ECPAS: variants seen among roughly 807,000 people sequenced by gnomAD.
The protein encoded by ECPAS is Ecm29 proteasome adaptor and scaffold, also known as proteasome adapter and scaffold protein ECM29.
ECPAS carries 70 observed loss-of-function variants against 255.1 expected under a neutral mutation model. The ratio of observed to expected loss-of-function variants is 0.27; its 90% CI spans 0.23 to 0.33. The LOEUF (loss-of-function observed/expected upper bound fraction) is 0.33, where lower values mean the gene tolerates loss of function less well. Among genes scored for constraint, ECPAS ranks in the 10% least tolerant of loss-of-function variants. ECPAS has a pLI of 1.00. For synonymous variants in ECPAS, 784 were observed against 775.0 expected (o/e 1.01, Z -0.19); for missense variants, 1,817 against 2,206.4 (o/e 0.82, Z 3.54).
chr9:111,438,365 C>T (rs1393737638), intron 6 of ECPAS, among the ~76,000 whole-genome samples: 1 of 152,178 alleles, frequency 6.6e-6, no homozygotes, highest in Non-Finnish European at 1.5e-5. Flanking sequence ...GTGGCTCAGG[C>T]CTATAATCCC....
intron 24 of ECPAS, among the ~76,000 whole-genome samples, chr9:111,407,428 A>AAAAAAAAGAAAAAAAAG (rs2098186434): frequency 6.1e-5 from 6 of 98,822 alleles, no homozygotes; most frequent in Admixed American, 6.0e-4. Flanking sequence ...AAAAAAAAAA[A>AAAAAAAAGAAAAAAAAG]AAAAAAAAAA....
At chr9:111,398,139 T>C (rs967156948) in intron 24 of ECPAS, among the ~76,000 whole-genome samples, 1 of 152,228 alleles carries the variant, frequency 6.6e-6, no homozygotes, top group African/African-American at 2.4e-5. Flanking sequence ...CAGCTGAGAC[T>C]TTCCTACGCC....
intron 7 of ECPAS, among the ~76,000 whole-genome samples, chr9:111,434,778 A>T (rs1186358120): frequency 6.6e-6 from 1 of 151,136 alleles, no homozygotes; most frequent in African/African-American, 2.4e-5. Flanking sequence ...TTGTTTTCTT[A>T]GTAGAGATGG....
chr9:111,395,406 G>T (rs140034356), intron 25 of ECPAS, among the ~76,000 whole-genome samples: 47 of 152,290 alleles, frequency 3.1e-4, no homozygotes, highest in African/African-American at 1.1e-3. Flanking sequence ...GCACTCAGAT[G>T]AGAATGACAT....
intron 2 of ECPAS, among the ~76,000 whole-genome samples, chr9:111,452,819 G>C (rs1038398804): frequency 2.0e-5 from 3 of 152,128 alleles, no homozygotes; most frequent in African/African-American, 7.2e-5. Flanking sequence ...CTAACACCCA[G>C]AATTGATCTT....
intron 25 of ECPAS, among the ~76,000 whole-genome samples, chr9:111,396,573 C>G (rs1385470587): frequency 6.6e-6 from 1 of 152,132 alleles, no homozygotes; most frequent in Non-Finnish European, 1.5e-5. Flanking sequence ...TTTTTTGAGA[C>G]AGAGTCTTAC....
At position 111,373,988 on chromosome 9, in the gene ECPAS, G is replaced by C; in HGVS notation, c.4161C>G (p.Asp1387Glu). The change falls in exon 39 of 50, where the codon GAC becomes GAG. Residue 1387 changes from aspartate to glutamate, a missense_variant. By Grantham distance (45) the Asp-to-Glu change is conservative (BLOSUM62 2). This residue lies in a region of ECPAS where 960 missense variants were observed against 1,179.0 expected (regional missense o/e 0.81). Coordinates refer to ENST00000684092, the MANE Select transcript of ECPAS (RefSeq NM_001364929.1). Reference sequence around the variant, plus strand: ...CAAACTCACCTGAGTAAGGTGTTAGGTCCTGAGGACACTGAGTAGTTAATG... The same window carrying C: ...CAAACTCACCTGAGTAAGGTGTTAGCTCCTGAGGACACTGAGTAGTTAATG... Reference protein sequence around the residue: ...IVSLTTQCPQDLTPYSGKLMS... With the variant: ...IVSLTTQCPQELTPYSGKLMS... The C allele has an allele frequency of 6.2e-7, 1 of 1,613,072 alleles. No individual in the cohort carries two copies. Among genetic ancestry groups the C allele is most frequent in the East Asian group, 2.2e-5 (1 of 44,856 alleles).
At chr9:111,410,844 T>C in intron 22 of ECPAS, 136 bp downstream of exon 22, 1 of 939,394 alleles carries the variant, frequency 1.1e-6, no homozygotes, top group Non-Finnish European at 1.6e-6. Context: ...AATACATTAT[T>C]TATCAAGTAA....
chr9:111,452,929 G>A (rs533703663), intron 2 of ECPAS, among the ~76,000 whole-genome samples: 5 of 152,144 alleles, frequency 3.3e-5, no homozygotes, highest in Non-Finnish European at 7.4e-5. Flanking sequence ...AGCCTGAAGC[G>A]TCTTGTAGTG....
intron 46 of ECPAS, 86 bp downstream of exon 46, chr9:111,368,949 A>G (rs2098124006): frequency 7.9e-7 from 1 of 1,269,898 alleles, no homozygotes; most frequent in African/African-American, 1.5e-5. Context: ...AAGAAACAAT[A>G]ACTATAATTT....
At chr9:111,465,763 G>T (rs1030214794) in intron 2 of ECPAS, among the ~76,000 whole-genome samples, 28 of 152,048 alleles carry the variant, frequency 1.8e-4, no homozygotes, top group African/African-American at 6.8e-4. Context: ...AGCATATGCA[G>T]TGGCTCACTC....
chr9:111,380,465 T>A (rs908793008), intron 35 of ECPAS, among the ~76,000 whole-genome samples: 3 of 152,216 alleles, frequency 2.0e-5, no homozygotes, highest in Non-Finnish European at 4.4e-5. Flanking sequence ...GTTCCATTTC[T>A]AGAGCACAGA....
At chr9:111,450,125 T>C (rs2098258375) in intron 3 of ECPAS, among the ~76,000 whole-genome samples, 1 of 152,210 alleles carries the variant, frequency 6.6e-6, no homozygotes, top group South Asian at 2.1e-4. Context: ...AACTAGGTGT[T>C]GTCATCATTC....
At chr9:111,431,285 T>C (rs2098229525) in intron 8 of ECPAS, among the ~76,000 whole-genome samples, 1 of 152,170 alleles carries the variant, frequency 6.6e-6, no homozygotes, top group Non-Finnish European at 1.5e-5. Flanking sequence ...CAGCTGGGCA[T>C]GGTGGCTCAC....
Position 111,422,203 on chromosome 9 carries a change from G to A in ECPAS, c.1266-3C>T, listed in dbSNP as rs771798729. 1.6e-5 allele frequency: 25 copies of A among 1,611,180 alleles called. No homozygotes were observed. Among genetic ancestry groups the A allele is most frequent in the Non-Finnish European group, 2.0e-5 (24 of 1,178,226 alleles). ...TAGTGAATAAATGTGGCATCCGACT[G>A]CAAAAGAATGTAAAAATATTGTTAC... On this transcript the variant is annotated splice_region_variant and splice_polypyrimidine_tract_variant and intron_variant, in intron 13 of 49. Transcript: ENST00000684092.
At chr9:111,455,476 T>C (rs1448040006) in intron 2 of ECPAS, among the ~76,000 whole-genome samples, 1 of 152,112 alleles carries the variant, frequency 6.6e-6, no homozygotes, top group Admixed American at 6.5e-5. Context: ...AAAGCGAGAC[T>C]CTGTCTCAGA....
chr9:111,392,645 A>G, intron 28 of ECPAS, 123 bp downstream of exon 28: 1 of 634,516 alleles, frequency 1.6e-6, no homozygotes, highest in Non-Finnish European at 2.7e-6. Context: ...ATGGACTCGC[A>G]ACTTAGAAAA....
chr9:111,478,791 A>G (rs2098299871), intron 1 of ECPAS, among the ~76,000 whole-genome samples: 1 of 152,224 alleles, frequency 6.6e-6, no homozygotes, highest in African/African-American at 2.4e-5. Context: ...TCCATATCAT[A>G]CAGTCATATT....
rs200499967 is a variant in ECPAS at position 111,391,814 on chromosome 9, C to T, written c.3103G>A (p.Glu1035Lys). 66 of 1,603,938 alleles carry T rather than the reference C, an allele frequency of 4.1e-5. No homozygotes were observed. The East Asian group carries it at 1.3e-3, about 32-fold the overall frequency. The change falls in exon 29 of 50, where the codon GAA becomes AAA. Residue 1035 changes from glutamate to lysine, a missense_variant. Physicochemically the swap from Glu to Lys is moderately conservative, Grantham distance 56. Around this residue, in one of 4 missense-constraint regions of ECPAS, gnomAD observed 960 missense variants for 1,179.0 expected, o/e 0.81. Coordinates refer to ENST00000684092, the MANE Select transcript of ECPAS (RefSeq NM_001364929.1). ...AATACCACTGTCTCTCCAGAAACTT[C>T]ATGTTTAACTCTAAACCAAAACAAT... The part of the protein sequence containing the change: ...TLMTGKRVKH[E>K]VSGETVVFQG...
Sources: allele counts gnomAD v4.1 joint callset (sites outside exome capture counted in the v4.1 genomes callset), GRCh38; gene constraint gnomAD v4.1.1; regional missense constraint gnomAD v4.1.1; transcripts MANE v1.5; gene names NCBI Gene and HGNC (gene_info 2026-07-23, HGNC 2026-07-21).